Variants in FAM149B1 observed in about 807,000 individuals in gnomAD.
The protein encoded by FAM149B1 is primary cilium assembly protein FAM149B1.
In FAM149B1, 56 loss-of-function variants were observed where a neutral mutation model predicts 75.3. That is an observed-to-expected ratio of 0.74 (90% CI 0.60 to 0.93). The LOEUF (loss-of-function observed/expected upper bound fraction) is 0.93, where lower values mean the gene tolerates loss of function less well. FAM149B1 is among the 40% of genes least tolerant of loss of function. The probability of loss-of-function intolerance (pLI) is 0.00; values close to 1 mark genes in which losing one functional copy is unlikely to be tolerated. For missense variants in FAM149B1, 639 were observed against 708.4 expected (o/e 0.90, Z 1.11); for synonymous variants, 259 against 256.1 (o/e 1.01, Z -0.11).
chr10:73,242,175 T>C lies in FAM149B1; in HGVS notation c.*1156T>C, dbSNP rs1375945007. The C allele has an allele frequency of 6.6e-6, 1 of 152,204 alleles. No homozygotes were observed. Among genetic ancestry groups the C allele is most frequent in the Non-Finnish European group, 1.5e-5 (1 of 68,030 alleles). 9.4% of individuals were successfully genotyped at this position (152,204 alleles called of 1,614,324 possible). Reference sequence around the variant, plus strand: ...TTTTAATAAAATTAAAATCTATTTTTAACCTATTTGTAGTCACAAACCGAA... The same window carrying C: ...TTTTAATAAAATTAAAATCTATTTTCAACCTATTTGTAGTCACAAACCGAA... On this transcript the variant is annotated 3_prime_UTR_variant, in exon 14 of 14. Transcript: ENST00000242505.
chr10:73,211,374 C>T (rs1325455351), intron 7 of FAM149B1, among the ~76,000 whole-genome samples: 1 of 152,154 alleles, frequency 6.6e-6, no homozygotes, highest in African/African-American at 2.4e-5. Flanking sequence ...CCCCTAACCA[C>T]CGGTCATATC....
chr10:73,239,966 TCAGGCCAGAA>T (rs2043904913), intron 13 of FAM149B1, among the ~76,000 whole-genome samples: 5 of 152,174 alleles, frequency 3.3e-5, no homozygotes, highest in Non-Finnish European at 7.4e-5. Context: ...ACTCTGCTGA[TCAGGCCAGAA>T]TGCAGTGGCA....
At position 73,212,844 on chromosome 10, in the gene FAM149B1, A is replaced by ACT. The variant is rs372551724; in HGVS notation, c.898+2421_898+2422dup. 1.9e-3 allele frequency among the ~76,000 whole-genome samples: 257 copies of ACT among 137,058 alleles called. 7 individuals carry two copies. Among genetic ancestry groups the ACT allele is most frequent in the African/African-American group, 5.4e-3 (200 of 36,782 alleles). The allele number at this position is 137,058 out of a possible 152,430, so 89.9% of individuals were successfully genotyped here. Reference sequence around the variant, plus strand: ...TGTTCATGTCCTGTTTCTCTCTCTCACTCTCTCTCTCTCTCTGTGTTTCTC... The same window carrying ACT: ...TGTTCATGTCCTGTTTCTCTCTCTCACTCTCTCTCTCTCTCTCTGTGTTTCTC... On this transcript the variant is annotated intron_variant, in intron 7 of 13. Transcript: ENST00000242505.
At chr10:73,191,558 G>T (rs1356575857) in intron 3 of FAM149B1, among the ~76,000 whole-genome samples, 2 of 151,918 alleles carry the variant, frequency 1.3e-5, no homozygotes, top group Non-Finnish European at 2.9e-5. Context: ...GGCTGGTCTG[G>T]AACTCCTGAC....
intron 1 of FAM149B1, among the ~76,000 whole-genome samples, chr10:73,171,869 C>A (rs1843732190): frequency 6.6e-6 from 1 of 152,110 alleles, no homozygotes; most frequent in African/African-American, 2.4e-5. Context: ...ACCTCGTGAT[C>A]TGCCTGCCTC....
chr10:73,174,806 T>G lies in FAM149B1; in HGVS notation c.152+15T>G. ...AGTTCCCAAAGGTAATAACACAAAG[T>G]GTACTTGTTTACTTATTGCACTTGC... is the stretch of plus-strand genomic sequence containing the variant. On this transcript the variant is annotated intron_variant, in intron 2 of 13. Coordinates refer to ENST00000242505, the MANE Select transcript of FAM149B1 (RefSeq NM_173348.2). 5.3e-6 allele frequency: 8 copies of G among 1,504,654 alleles called. No individual in the cohort carries two copies. The highest frequency in any genetic ancestry group is 6.3e-6 in the Non-Finnish European group (7 of 1,104,272). 93.2% of individuals were successfully genotyped at this position (1,504,654 alleles called of 1,614,324 possible).
chr10:73,220,594 A>T (rs1589178344), intron 7 of FAM149B1, among the ~76,000 whole-genome samples: 1 of 152,162 alleles, frequency 6.6e-6, no homozygotes, highest in African/African-American at 2.4e-5. Context: ...TAAAATTCAT[A>T]TGTTGAAACC....
chr10:73,200,741 G>A, intron 5 of FAM149B1: 1 of 454,260 alleles, frequency 2.2e-6, no homozygotes, highest in South Asian at 1.9e-5. Flanking sequence ...CTTGAACCTT[G>A]AAGGAATCGA....
chr10:73,243,357 G>A lies in FAM149B1; in HGVS notation c.*2338G>A, dbSNP rs1279093170. On this transcript the variant is annotated 3_prime_UTR_variant, in exon 14 of 14. Coordinates refer to ENST00000242505, the MANE Select transcript of FAM149B1 (RefSeq NM_173348.2). Reference sequence around the variant, plus strand: ...ATCCTGCCTGCACCTTGCCTACGATGGCATCAATTTACACCTAAGGACCTT... The same window carrying A: ...ATCCTGCCTGCACCTTGCCTACGATAGCATCAATTTACACCTAAGGACCTT... The A allele has an allele frequency of 6.2e-7, 1 of 1,607,284 alleles. No individual in the cohort carries two copies. Among genetic ancestry groups the A allele is most frequent in the East Asian group, 2.2e-5 (1 of 44,842 alleles).
intron 7 of FAM149B1, among the ~76,000 whole-genome samples, chr10:73,213,057 G>A (rs2043221881): frequency 6.6e-6 from 1 of 151,880 alleles, no homozygotes; most frequent in African/African-American, 2.4e-5. Flanking sequence ...ATGTTGCCTG[G>A]GCTGGTCTCA....
intron 13 of FAM149B1, 93 bp downstream of exon 13, chr10:73,239,477 C>G: frequency 1.1e-6 from 1 of 924,884 alleles, no homozygotes. Flanking sequence ...CCCCTTCTTT[C>G]AGATTTTCTT....
At chr10:73,222,486 T>C (rs1201397378) in intron 7 of FAM149B1, among the ~76,000 whole-genome samples, 1 of 152,158 alleles carries the variant, frequency 6.6e-6, no homozygotes, top group East Asian at 1.9e-4. Flanking sequence ...ACATTTTGAA[T>C]GCTCAAATGA....
chr10:73,190,299 GAC>G (rs1564688134), intron 3 of FAM149B1, among the ~76,000 whole-genome samples: 10 of 151,036 alleles, frequency 6.6e-5, no homozygotes, highest in African/African-American at 2.4e-4. Context: ...TCAGGTGAAA[GAC>G]AATTTTTTTA....
chr10:73,238,192 A>G (rs1305228409), intron 12 of FAM149B1, among the ~76,000 whole-genome samples: 1 of 152,070 alleles, frequency 6.6e-6, no homozygotes, highest in African/African-American at 2.4e-5. Context: ...TAAAAATACA[A>G]GAAAATTAGC....
rs368353741 is a variant in FAM149B1 at position 73,212,247 on chromosome 10, C to T, written c.898+1809C>T. Among the ~76,000 whole-genome samples, 20 of 152,194 alleles carry T rather than the reference C, an allele frequency of 1.3e-4. No homozygotes were observed. In the East Asian group the frequency reaches 2.1e-3, roughly 16 times the overall value. ...TAGGCTGATTCCATATCTTTGCTAC[C>T]GTGAATAATGGAGCGATAAACATAT... is the stretch of plus-strand genomic sequence containing the variant. On this transcript the variant is annotated intron_variant, in intron 7 of 13. Transcript: ENST00000242505.
chr10:73,207,240 G>A (rs192976163), intron 5 of FAM149B1, among the ~76,000 whole-genome samples: 94 of 152,244 alleles, frequency 6.2e-4, no homozygotes, highest in African/African-American at 2.3e-3. Context: ...CAGAATGATA[G>A]ATTCACCTTG....
chr10:73,234,682 T>C, intron 10 of FAM149B1, 135 bp from the exon 11 acceptor site: 1 of 961,672 alleles, frequency 1.0e-6, no homozygotes, highest in Non-Finnish European at 1.5e-6. Context: ...GATCTCTACT[T>C]GAAAACATAG....
Position 73,228,188 on chromosome 10 carries a change from A to T in FAM149B1, c.1023+4A>T, listed in dbSNP as rs1420452680. The T allele has an allele frequency of 6.4e-7, 1 of 1,551,700 alleles. No individual in the cohort carries two copies. The highest frequency in any genetic ancestry group is 1.2e-5 in the South Asian group (1 of 84,062). On this transcript the variant is annotated splice_donor_region_variant and intron_variant, in intron 8 of 13. Coordinates refer to ENST00000242505, the MANE Select transcript of FAM149B1 (RefSeq NM_173348.2). ...GCTGTACATTACCTCAAATCCGGTA[A>T]GCCCCAGAGGGATCAGTTGGAGACC...
intron 3 of FAM149B1, among the ~76,000 whole-genome samples, chr10:73,185,338 C>T (rs1159293899): frequency 1.3e-5 from 2 of 152,120 alleles, no homozygotes; most frequent in Non-Finnish European, 2.9e-5. Flanking sequence ...CACTTGAACC[C>T]AGTAGTTTGA....
Sources: gnomAD v4.1 joint callset for allele counts (sites outside exome capture counted in the v4.1 genomes callset) on GRCh38, gnomAD v4.1.1 for gene constraint, MANE v1.5 for transcripts, NCBI Gene and HGNC (gene_info 2026-07-23, HGNC 2026-07-21) for gene names.